CKAP4: variants seen among roughly 807,000 people sequenced by gnomAD.
The protein encoded by CKAP4 is cytoskeleton-associated protein 4.
In CKAP4, 20 loss-of-function variants were observed where a neutral mutation model predicts 24.4. That is an observed-to-expected ratio of 0.82 (90% CI 0.58 to 1.19). The LOEUF (loss-of-function observed/expected upper bound fraction) is 1.19, where lower values mean the gene tolerates loss of function less well. Ranked by LOEUF, CKAP4 falls within the 50% of genes most tolerant of loss-of-function variation. The probability of loss-of-function intolerance (pLI) is 0.00; values close to 1 mark genes in which losing one functional copy is unlikely to be tolerated. For synonymous variants in CKAP4, 378 were observed against 351.7 expected (o/e 1.07, Z -0.84); for missense variants, 744 against 765.3 (o/e 0.97, Z 0.33).
At chr12:106,241,224 A>G (rs980586541) in intron 1 of CKAP4, among the ~76,000 whole-genome samples, 2 of 152,248 alleles carry the variant, frequency 1.3e-5, no homozygotes, top group African/African-American at 4.8e-5. Context: ...GTTCTGTTAA[A>G]ACAAACAGGG....
intron 1 of CKAP4, among the ~76,000 whole-genome samples, chr12:106,245,451 C>T (rs766573011): frequency 3.3e-4 from 50 of 152,166 alleles, no homozygotes; most frequent in Non-Finnish European, 5.4e-4. Flanking sequence ...TATACTCCAG[C>T]AGTATGTCTA....
intron 1 of CKAP4, among the ~76,000 whole-genome samples, chr12:106,243,668 G>A (rs1305648244): frequency 6.6e-6 from 1 of 152,302 alleles, no homozygotes; most frequent in East Asian, 1.9e-4. Flanking sequence ...TGAATCCTCT[G>A]GGTAAGGACA....
At position 106,240,111 on chromosome 12, in the gene CKAP4, A is replaced by G; in HGVS notation, c.722T>C (p.Leu241Pro). ...TSLENTVEERLTELTKSINDN... is the reference protein window; with the variant it reads ...TSLENTVEERPTELTKSINDN... ...GTTGATGGATTTGGTGAGCTCCGTC[A>G]GCCGCTCCTCCACCGTGTTCTCCAG... is the stretch of plus-strand genomic sequence containing the variant. The change falls in exon 2 of 2, where the codon CTG (leucine) becomes CCG (proline). Residue 241 changes from leucine to proline, a missense_variant. Transcript: ENST00000378026. 1 of 1,614,152 alleles carries G rather than the reference A, an allele frequency of 6.2e-7. No individual in the cohort carries two copies. Among genetic ancestry groups the G allele is most frequent in the Non-Finnish European group, 8.5e-7 (1 of 1,180,034 alleles).
intron 1 of CKAP4, among the ~76,000 whole-genome samples, chr12:106,243,621 C>T (rs1282377450): frequency 2.6e-5 from 4 of 152,204 alleles, no homozygotes; most frequent in African/African-American, 9.7e-5. Flanking sequence ...GATGAACTGC[C>T]AACACTTTCT....
chr12:106,239,805 T>C lies in CKAP4; in HGVS notation c.1028A>G (p.Asp343Gly). 1 of 1,614,088 alleles carries C rather than the reference T, an allele frequency of 6.2e-7. No homozygotes were observed. The highest frequency in any genetic ancestry group is 8.5e-7 in the Non-Finnish European group (1 of 1,179,998). The change falls in exon 2 of 2, where the codon GAC (aspartate) becomes GGC (glycine). Residue 343 changes from aspartate (D) to glycine (G), a missense_variant. Asp to Gly is a moderately conservative substitution (Grantham distance 94). Around this residue, in one of 3 missense-constraint regions of CKAP4, gnomAD observed 401 missense variants for 424.5 expected, o/e 0.94. Transcript: ENST00000378026. This position sits in a 1 kb window ranked among gnomAD's most constrained non-coding sequence, Gnocchi z 4.9. ...QEQQAFKEAA[D>G]TERLALQALT... is the part of the protein sequence containing the mutation. Reference sequence around the variant, plus strand: ...GGCCTGCAGGGCGAGCCGCTCCGTGTCGGCCGCCTCCTTGAAAGCCTGCTG... The same window carrying C: ...GGCCTGCAGGGCGAGCCGCTCCGTGCCGGCCGCCTCCTTGAAAGCCTGCTG...
At chr12:106,246,560 C>T (rs1331393910) in intron 1 of CKAP4, among the ~76,000 whole-genome samples, 4 of 152,096 alleles carry the variant, frequency 2.6e-5, no homozygotes, top group African/African-American at 4.8e-5. Context: ...CTGGCCAATA[C>T]GGTGAAACTT....
chr12:106,245,842 G>A (rs1030303021), intron 1 of CKAP4, among the ~76,000 whole-genome samples: 4 of 151,988 alleles, frequency 2.6e-5, no homozygotes, highest in Admixed American at 1.3e-4. Flanking sequence ...TGATCCGCCC[G>A]CCTCGGCCTC....
rs1409692493 is a variant in CKAP4 at position 106,240,214 on chromosome 12, G to C, written c.619C>G (p.Leu207Val). The C allele has an allele frequency of 6.2e-7, 1 of 1,614,194 alleles. No homozygotes were observed. Among genetic ancestry groups the C allele is most frequent in the Admixed American group, 1.7e-5 (1 of 60,024 alleles). The stretch of plus-strand genomic sequence containing the variant: ...AGGTCTTTGAGAATCTCATTCTGGA[G>C]TTTCTGCAGCACTTCGCTGATCCGG... ...VSRISEVLQK[L>V]QNEILKDLSD... is the part of the protein sequence containing the mutation. The change falls in exon 2 of 2, where the codon CTC (leucine) becomes GTC (valine). Residue 207 changes from leucine to valine, a missense_variant. Leu to Val is a conservative substitution (Grantham distance 32). This residue lies in a region of CKAP4 where 300 missense variants were observed against 264.5 expected (regional missense o/e 1.13). Coordinates refer to ENST00000378026, the MANE Select transcript of CKAP4 (RefSeq NM_006825.4).
At position 106,239,493 on chromosome 12, in the gene CKAP4, C is replaced by A; in HGVS notation, c.1340G>T (p.Arg447Leu). The A allele has an allele frequency of 6.2e-7, 1 of 1,607,576 alleles. No individual in the cohort carries two copies. Among genetic ancestry groups the A allele is most frequent in the Non-Finnish European group, 8.5e-7 (1 of 1,179,470 alleles). Residue 447 changes from arginine (R) to leucine (L), a missense_variant, in exon 2 of 2, where the codon CGC (arginine) becomes CTC (leucine). Physicochemically the swap from Arg to Leu is moderately radical, Grantham distance 102. Coordinates refer to ENST00000378026, the MANE Select transcript of CKAP4 (RefSeq NM_006825.4). The surrounding 1 kb of genome is among the most constrained non-coding windows in gnomAD (Gnocchi z 4.9). ...CAGGCGCCCCTGCAGGGCGGCCAGG[C>A]GCTGCTCGTGCTCCTGGCTCTTGGA... ...LLSKSQEHEQRLAALQGRLEG... is the reference protein window; with the variant it reads ...LLSKSQEHEQLLAALQGRLEG...
rs1418192500 is a variant in CKAP4, at chr12:106,247,729, C to G, written c.123G>C (p.Gln41His). The part of the protein sequence containing the change: ...DVAKKPPPAP[Q>H]QPPPPPAPHP... ...GCGGCGCGGGCGGCGGCGGCGGCTG[C>G]TGCGGCGCCGGCGGCGGCTTCTTCG... The change falls in exon 1 of 2, where the codon CAG becomes CAC. Residue 41 changes from glutamine to histidine, a missense_variant. By Grantham distance (24) the Gln-to-His change is conservative. Around this residue, in one of 3 missense-constraint regions of CKAP4, gnomAD observed 300 missense variants for 264.5 expected, o/e 1.13. Coordinates refer to ENST00000378026, the MANE Select transcript of CKAP4 (RefSeq NM_006825.4). This position sits in a 1 kb window ranked among gnomAD's most constrained non-coding sequence, Gnocchi z 4.5. 1 of 1,044,942 alleles carries G rather than the reference C, an allele frequency of 9.6e-7. No homozygotes were observed. The highest frequency in any genetic ancestry group is 1.1e-6 in the Non-Finnish European group (1 of 874,896). 64.7% of individuals were successfully genotyped at this position (1,044,942 alleles called of 1,614,324 possible). A position where few individuals can be genotyped will look rare whatever the true frequency, so the allele number is the denominator to read the frequency against.
At chr12:106,244,678 T>C (rs2033993180) in intron 1 of CKAP4, among the ~76,000 whole-genome samples, 1 of 152,144 alleles carries the variant, frequency 6.6e-6, no homozygotes, top group Non-Finnish European at 1.5e-5. Flanking sequence ...TGGTCCCAGC[T>C]ACTTGTGAGG....
In CKAP4 at chr12:106,239,439, T is replaced by C. The variant is rs143082078; in HGVS notation, c.1394A>G (p.Gln465Arg). 23 of 1,602,286 alleles carry C rather than the reference T, an allele frequency of 1.4e-5. No individual in the cohort carries two copies. The African/African-American group carries it at 2.8e-4, about 19-fold the overall frequency. Residue 465 changes from glutamine to arginine, a missense_variant, in exon 2 of 2, where the codon CAG (glutamine) becomes CGG (arginine). Coordinates refer to ENST00000378026, the MANE Select transcript of CKAP4 (RefSeq NM_006825.4). This position sits in a 1 kb window ranked among gnomAD's most constrained non-coding sequence, Gnocchi z 4.9. ...LEGLGSSEAD[Q>R]DGLASTVRSL... Reference sequence around the variant, plus strand: ...CCTCACCGTGCTGGCCAGGCCATCCTGGTCTGCCTCTGAGGACCCGAGGCC... The same window carrying C: ...CCTCACCGTGCTGGCCAGGCCATCCCGGTCTGCCTCTGAGGACCCGAGGCC...
At position 106,247,420 on chromosome 12, in the gene CKAP4, G is replaced by A. The variant is rs200990380; in HGVS notation, c.432C>T (p.Phe144=). 3.4e-5 allele frequency: 53 copies of A among 1,544,734 alleles called. 1 individual carries two copies. The Admixed American group carries it at 8.9e-4, about 26-fold the overall frequency. Residue 144 remains phenylalanine (F), a synonymous_variant, in exon 1 of 2, where the codon TTC becomes TTT. Transcript: ENST00000378026. The surrounding 1 kb of genome is among the most constrained non-coding windows in gnomAD (Gnocchi z 4.5). Reference sequence around the variant, plus strand: ...GGCCCAGCTCCTCCCTCTGCCGGGAGAAGTCCTGGTGGCTGCGCCGGACCT... The same window carrying A: ...GGCCCAGCTCCTCCCTCTGCCGGGAAAAGTCCTGGTGGCTGCGCCGGACCT... ...VQQVRRSHQD[F]SRQREELGQG... is the part of the protein sequence containing the mutation.
At position 106,237,992 on chromosome 12, in the gene CKAP4, G is replaced by GGT. The variant is rs2033921409; in HGVS notation, c.*1031_*1032insAC. On this transcript the variant is annotated 3_prime_UTR_variant, in exon 2 of 2. Transcript: ENST00000378026. ...TTTTTTTTTTTTTTTTACTTTTCGGGTTTTTTTTTTTTTTTTTTTTTCAAT... is the reference window on the plus strand; with the variant it reads ...TTTTTTTTTTTTTTTTACTTTTCGGGGTTTTTTTTTTTTTTTTTTTTTTCAAT... 4.3e-5 allele frequency: 3 copies of GGT among 70,510 alleles called. No homozygotes were observed. Among genetic ancestry groups the GGT allele is most frequent in the African/African-American group, 1.2e-4 (2 of 16,244 alleles). The allele number at this position is 70,510 out of a possible 1,614,324, so 4.4% of individuals were successfully genotyped here.
Position 106,247,330 on chromosome 12 carries a change from G to T in CKAP4, c.483+39C>A. 3 of 1,488,340 alleles carry T rather than the reference G, an allele frequency of 2.0e-6. No homozygotes were observed. Among genetic ancestry groups the T allele is most frequent in the Non-Finnish European group, 1.8e-6 (2 of 1,117,106 alleles). The allele number at this position is 1,488,340 out of a possible 1,614,324, so 92.2% of individuals were successfully genotyped here. A position where few individuals can be genotyped will look rare whatever the true frequency, so the allele number is the denominator to read the frequency against. On this transcript the variant is annotated intron_variant, in intron 1 of 1. Coordinates refer to ENST00000378026, the MANE Select transcript of CKAP4 (RefSeq NM_006825.4). This position sits in a 1 kb window ranked among gnomAD's most constrained non-coding sequence, Gnocchi z 4.5. ...GAGCCCGGCCGTGGGTCCGGAGGCC[G>T]CAGTCGATGGGGACAGTTGCGGGGC... is the stretch of plus-strand genomic sequence containing the variant.
chr12:106,239,220 T>A lies in CKAP4; in HGVS notation c.1613A>T (p.Asn538Ile), dbSNP rs750824854. Residue 538 changes from asparagine (N) to isoleucine (I), a missense_variant, in exon 2 of 2, where the codon AAC (asparagine) becomes ATC (isoleucine). Transcript: ENST00000378026. The surrounding 1 kb of genome is among the most constrained non-coding windows in gnomAD (Gnocchi z 4.9). ...DFLDRLSSLD[N>I]LKASVSQVEA... ...CACTTGGCTGACTGAGGCTTTCAGGTTGTCTAGAGAAGAAAGTCTGTCCAG... is the reference window on the plus strand; with the variant it reads ...CACTTGGCTGACTGAGGCTTTCAGGATGTCTAGAGAAGAAAGTCTGTCCAG... The A allele has an allele frequency of 5.0e-6, 8 of 1,613,974 alleles. No individual in the cohort carries two copies. In the East Asian group the frequency reaches 1.8e-4, roughly 36 times the overall value.
rs2034027251 is a variant in CKAP4, at chr12:106,247,675, C to T, written c.177G>A (p.Pro59=). ...PHPQQHPQQH[P]QNQAHGKGGH... ...CGCCCTTGCCGTGCGCCTGGTTCTG[C>T]GGGTGCTGCTGCGGGTGCTGCTGCG... The change falls in exon 1 of 2, where the codon CCG becomes CCA. Residue 59 remains proline (P), a synonymous_variant. Coordinates refer to ENST00000378026, the MANE Select transcript of CKAP4 (RefSeq NM_006825.4). The surrounding 1 kb of genome is among the most constrained non-coding windows in gnomAD (Gnocchi z 4.5). The T allele has an allele frequency of 1.8e-6, 2 of 1,095,586 alleles. No homozygotes were observed. The highest frequency in any genetic ancestry group is 4.0e-5 in the Admixed American group (1 of 25,056). The allele number at this position is 1,095,586 out of a possible 1,614,324, so 67.9% of individuals were successfully genotyped here. A position where few individuals can be genotyped will look rare whatever the true frequency, so the allele number is the denominator to read the frequency against.
intron 1 of CKAP4, among the ~76,000 whole-genome samples, chr12:106,242,618 A>T: frequency 6.6e-6 from 1 of 152,234 alleles, no homozygotes; most frequent in Non-Finnish European, 1.5e-5. Context: ...CTGAGTCTTA[A>T]AGGACACTCT....
Position 106,247,542 on chromosome 12 carries a change from G to C in CKAP4, c.310C>G (p.Leu104Val), listed in dbSNP as rs1425894783. The change falls in exon 1 of 2, where the codon CTC becomes GTC. Residue 104 changes from leucine to valine, a missense_variant. By Grantham distance (32) the Leu-to-Val change is conservative (BLOSUM62 1). Coordinates refer to ENST00000378026, the MANE Select transcript of CKAP4 (RefSeq NM_006825.4). This position sits in a 1 kb window ranked among gnomAD's most constrained non-coding sequence, Gnocchi z 4.5. ...AAGAGAAAGTTGAGCGCCCTGCCGA[G>C]CCTGCGCGAGCAGGACGCCGAGGAC... ...ASSSASCSRR[L>V]GRALNFLFYL... The C allele has an allele frequency of 1.3e-6, 2 of 1,493,672 alleles. No homozygotes were observed. The highest frequency in any genetic ancestry group is 2.8e-5 in the East Asian group (1 of 35,244). The allele number at this position is 1,493,672 out of a possible 1,614,324, so 92.5% of individuals were successfully genotyped here.
Sources: allele counts gnomAD v4.1 joint callset (sites outside exome capture counted in the v4.1 genomes callset), GRCh38; gene constraint gnomAD v4.1.1; regional missense constraint gnomAD v4.1.1; non-coding constraint Gnocchi (gnomAD v3.1); transcripts MANE v1.5; gene names NCBI Gene and HGNC (gene_info 2026-07-23, HGNC 2026-07-21).